The following EDIL3 variants were observed in gnomAD, a reference collection of about 807,000 sequenced individuals.
The protein encoded by EDIL3 is EGF-like repeat and discoidin I-like domain-containing protein 3.
Under a neutral mutation model 67.4 loss-of-function variants are expected in EDIL3, and 37 were observed. The observed-to-expected ratio is 0.55, with a 90% CI of 0.42 to 0.72. The LOEUF (loss-of-function observed/expected upper bound fraction) is 0.72, where lower values mean the gene tolerates loss of function less well. Among genes scored for constraint, EDIL3 ranks in the 30% least tolerant of loss-of-function variants. EDIL3 has a pLI of 0.00. For synonymous variants in EDIL3, 195 were observed against 196.3 expected (o/e 0.99, Z 0.05); for missense variants, 527 against 586.3 (o/e 0.90, Z 1.04).
chr5:83,947,363 C>G (rs990174624), intron 10 of EDIL3, among the ~76,000 whole-genome samples: 62 of 126,644 alleles, frequency 4.9e-4, no homozygotes, highest in Admixed American at 4.0e-4. Context: ...GTGTCTGTGT[C>G]TGTGTCTGTG....
At chr5:84,166,807 G>A (rs1349324999) in intron 4 of EDIL3, among the ~76,000 whole-genome samples, 1 of 152,014 alleles carries the variant, frequency 6.6e-6, no homozygotes, top group Non-Finnish European at 1.5e-5. Context: ...AAAAGGAAAG[G>A]GAGCAAGAAT....
chr5:84,072,484 T>C (rs1746758047), intron 6 of EDIL3, among the ~76,000 whole-genome samples: 2 of 152,180 alleles, frequency 1.3e-5, no homozygotes, highest in African/African-American at 4.8e-5. Context: ...GAACTAGGCA[T>C]GTTTATATCT....
At chr5:84,026,003 G>A (rs1396467286) in intron 9 of EDIL3, among the ~76,000 whole-genome samples, 3 of 151,956 alleles carry the variant, frequency 2.0e-5, no homozygotes, top group Non-Finnish European at 4.4e-5. Context: ...CATAAATTTG[G>A]TTTCATAAAA....
intron 1 of EDIL3, among the ~76,000 whole-genome samples, chr5:84,336,475 G>A (rs1746988199): frequency 6.6e-6 from 1 of 152,158 alleles, no homozygotes; most frequent in Non-Finnish European, 1.5e-5. Context: ...TGAAACATGA[G>A]TCAGGATTAG....
At chr5:84,062,644 G>A (rs1299938085) in intron 8 of EDIL3, among the ~76,000 whole-genome samples, 1 of 152,068 alleles carries the variant, frequency 6.6e-6, no homozygotes, top group Non-Finnish European at 1.5e-5. Context: ...GTATTTAGGA[G>A]ATGATCTTCA....
At chr5:84,369,472 T>C (rs1747802198) in intron 1 of EDIL3, among the ~76,000 whole-genome samples, 1 of 152,068 alleles carries the variant, frequency 6.6e-6, no homozygotes, top group East Asian at 1.9e-4. Context: ...CTAAGTGAAA[T>C]AAGCCAGTCT....
At chr5:84,212,582 G>A (rs886765675) in intron 3 of EDIL3, among the ~76,000 whole-genome samples, 4 of 152,184 alleles carry the variant, frequency 2.6e-5, no homozygotes, top group Admixed American at 1.3e-4. Flanking sequence ...AGTGAGAATT[G>A]CAAAGTGAGA....
chr5:83,973,005 A>G (rs1744819459), intron 9 of EDIL3, among the ~76,000 whole-genome samples: 1 of 152,068 alleles, frequency 6.6e-6, no homozygotes, highest in South Asian at 2.1e-4. Flanking sequence ...TGTGTCAGAG[A>G]GATTAAAGCA....
At chr5:83,967,580 A>C (rs1422363513) in intron 9 of EDIL3, among the ~76,000 whole-genome samples, 1 of 152,058 alleles carries the variant, frequency 6.6e-6, no homozygotes, top group Non-Finnish European at 1.5e-5. Flanking sequence ...TTTTGTTGTA[A>C]AACATCCTGT....
chr5:84,138,159 G>A (rs1748127110), intron 4 of EDIL3, among the ~76,000 whole-genome samples: 1 of 152,126 alleles, frequency 6.6e-6, no homozygotes, highest in Non-Finnish European at 1.5e-5. Context: ...GGATTCTGTG[G>A]GAGCCAGTAC....
At chr5:83,952,944 A>G (rs768039297) in intron 10 of EDIL3, among the ~76,000 whole-genome samples, 49 of 151,918 alleles carry the variant, frequency 3.2e-4, no homozygotes, top group Non-Finnish European at 6.8e-4. Context: ...GTGACTTCTA[A>G]GCCAGACTCA....
intron 3 of EDIL3, among the ~76,000 whole-genome samples, chr5:84,226,568 T>C (rs1296053302): frequency 4.0e-5 from 6 of 151,856 alleles, no homozygotes. Flanking sequence ...TGTTTTAATT[T>C]ACTCTTTTTA....
At chr5:84,171,793 G>A (rs564446842) in intron 4 of EDIL3, among the ~76,000 whole-genome samples, 1 of 152,084 alleles carries the variant, frequency 6.6e-6, no homozygotes, top group Non-Finnish European at 1.5e-5. Flanking sequence ...TATCTGGGGA[G>A]GTTTTGAAAC....
chr5:84,236,012 T>C (rs1186500545), intron 2 of EDIL3, among the ~76,000 whole-genome samples: 2 of 152,064 alleles, frequency 1.3e-5, no homozygotes, highest in Non-Finnish European at 1.5e-5. Context: ...AAATGTACTT[T>C]TAATGTTTAG....
intron 2 of EDIL3, among the ~76,000 whole-genome samples, chr5:84,251,868 T>A (rs1050565239): frequency 2.0e-5 from 3 of 152,156 alleles, no homozygotes; most frequent in African/African-American, 7.2e-5. Context: ...AAATACAAAC[T>A]AAATACATTT....
intron 9 of EDIL3, among the ~76,000 whole-genome samples, chr5:83,973,877 C>T (rs991413077): frequency 5.9e-5 from 9 of 152,032 alleles, no homozygotes; most frequent in Admixed American, 2.6e-4. Flanking sequence ...TTTGGACCAA[C>T]TTAATAAAAC....
chr5:84,375,148 T>C (rs1336579692), intron 1 of EDIL3, among the ~76,000 whole-genome samples: 1 of 152,086 alleles, frequency 6.6e-6, no homozygotes, highest in East Asian at 1.9e-4. Flanking sequence ...TTTTTTGTAT[T>C]TTTAGTAGAG....
At position 84,238,421 on chromosome 5, in the gene EDIL3, G is replaced by A. The variant is rs948635370; in HGVS notation, c.197-8537C>T. Among the ~76,000 whole-genome samples, 4 of 152,158 alleles carry A rather than the reference G, an allele frequency of 2.6e-5. No individual in the cohort carries two copies. In the South Asian group the frequency reaches 8.3e-4, roughly 32 times the overall value. ...GGGAAGAAAAAAAAACAGTGGGCAG[G>A]TCTAACTTGAAGAAAGATGAGATAT... On this transcript the variant is annotated intron_variant, in intron 2 of 10. Coordinates refer to ENST00000296591, the MANE Select transcript of EDIL3 (RefSeq NM_005711.5).
At chr5:84,327,057 C>T (rs761090633) in intron 1 of EDIL3, among the ~76,000 whole-genome samples, 33 of 151,730 alleles carry the variant, frequency 2.2e-4, no homozygotes, top group Admixed American at 5.9e-4. Flanking sequence ...CATTGTGAAA[C>T]GATTACTACA....
Sources: gnomAD v4.1 joint callset for allele counts (sites outside exome capture counted in the v4.1 genomes callset) on GRCh38, gnomAD v4.1.1 for gene constraint, MANE v1.5 for transcripts, NCBI Gene and HGNC (gene_info 2026-07-23, HGNC 2026-07-21) for gene names.